DENND10: variants seen among roughly 807,000 people sequenced by gnomAD.
The protein encoded by DENND10 is DENN domain containing 10, also known as DENN domain-containing protein 10.
DENND10 carries 24 observed loss-of-function variants against 43.6 expected under a neutral mutation model. That is an observed-to-expected ratio of 0.55 (90% CI 0.40 to 0.77). DENND10 has a LOEUF of 0.77. Ranked by LOEUF, DENND10 falls within the 30% of genes least tolerant of loss-of-function variation. The pLI is 0.00. For synonymous variants in DENND10, 125 were observed against 157.6 expected (o/e 0.79, Z 1.55); for missense variants, 303 against 429.9 (o/e 0.70, Z 2.61).
At chr10:119,108,221 A>C in intron 2 of DENND10, 57 bp downstream of exon 2, 11 of 1,248,762 alleles carry the variant, frequency 8.8e-6, no homozygotes, top group African/African-American at 1.5e-5. Flanking sequence ...GCGGTGGCTC[A>C]TGCCTGTAAT....
chr10:119,127,532 G>T (rs866775185), intron 6 of DENND10, among the ~76,000 whole-genome samples: 27 of 152,172 alleles, frequency 1.8e-4, no homozygotes, highest in South Asian at 1.7e-3. Context: ...AGGCTGGAGT[G>T]CAGTGGCGTG....
intron 5 of DENND10, among the ~76,000 whole-genome samples, chr10:119,121,580 G>T (rs1197173055): frequency 6.7e-6 from 1 of 149,904 alleles, no homozygotes; most frequent in Admixed American, 6.8e-5. Context: ...TCAGCCTCCC[G>T]AGTAGCTGAG....
In DENND10 at chr10:119,136,507, C is replaced by G. The variant is rs768423587; in HGVS notation, c.934C>G (p.Leu312Val). 6.2e-7 allele frequency: 1 copy of G among 1,601,604 alleles called. No individual in the cohort carries two copies. Among genetic ancestry groups the G allele is most frequent in the Admixed American group, 1.8e-5 (1 of 55,744 alleles). Reference sequence around the variant, plus strand: ...AAAAACAAGAGAAATCTTTACCAACCTAGCACCGTTTTCAGAAGTTTCGGC... The same window carrying G: ...AAAAACAAGAGAAATCTTTACCAACGTAGCACCGTTTTCAGAAGTTTCGGC... ...ALKTREIFTN[L>V]APFSEVSADG... The change falls in exon 9 of 9, where the codon CTA (leucine) becomes GTA (valine). Residue 312 changes from leucine (L) to valine (V), a missense_variant. Leu to Val is a conservative substitution (Grantham distance 32). Transcript: ENST00000361432.
At chr10:119,127,441 T>G (rs925847074) in intron 6 of DENND10, among the ~76,000 whole-genome samples, 3 of 151,988 alleles carry the variant, frequency 2.0e-5, no homozygotes, top group Non-Finnish European at 4.4e-5. Context: ...GTAGTAGGTT[T>G]TGTTTTTGTT....
chr10:119,109,792 T>C (rs574428397), intron 2 of DENND10, among the ~76,000 whole-genome samples: 1 of 145,162 alleles, frequency 6.9e-6, no homozygotes, highest in Non-Finnish European at 1.5e-5. Flanking sequence ...CTAATTTTCT[T>C]TTTTTTTTTT....
rs1845985925 is a variant in DENND10, at chr10:119,129,492, G to A, written c.695-23G>A. On this transcript the variant is annotated intron_variant, in intron 6 of 8. Coordinates refer to ENST00000361432, the MANE Select transcript of DENND10 (RefSeq NM_207009.4). ...ACCATATTTCTTCCTACTCCAGTAAGGTTGCTCATGTTTGTGATGCAGGTT... is the reference window on the plus strand; with the variant it reads ...ACCATATTTCTTCCTACTCCAGTAAAGTTGCTCATGTTTGTGATGCAGGTT... 4 of 1,523,094 alleles carry A rather than the reference G, an allele frequency of 2.6e-6. No individual in the cohort carries two copies. The Admixed American group carries it at 6.7e-5, about 25-fold the overall frequency. 94.3% of individuals were successfully genotyped at this position (1,523,094 alleles called of 1,614,324 possible). A position where few individuals can be genotyped will look rare whatever the true frequency, so the allele number is the denominator to read the frequency against.
At chr10:119,108,231 TC>T in intron 2 of DENND10, 67 bp downstream of exon 2, 2 of 1,139,956 alleles carry the variant, frequency 1.8e-6, no homozygotes, top group Non-Finnish European at 2.6e-6. Flanking sequence ...ATGCCTGTAA[TC>T]CCAGCACTTT....
At position 119,114,264 on chromosome 10, in the gene DENND10, G is replaced by GCGCACACA. The variant is rs1491364880; in HGVS notation, c.332+2337_332+2338insGCACACAC. The GCGCACACA allele has an allele frequency of 1.1e-3, 166 of 150,030 alleles. 1 individual carries two copies. Among genetic ancestry groups the GCGCACACA allele is most frequent in the African/African-American group, 3.7e-3 (153 of 40,896 alleles). 9.3% of individuals were successfully genotyped at this position (150,030 alleles called of 1,614,324 possible). A position where few individuals can be genotyped will look rare whatever the true frequency, so the allele number is the denominator to read the frequency against. Reference sequence around the variant, plus strand: ...TGCATGTATGCACATCCAAGTATTTGCACACACACACACACACACACACAC... The same window carrying GCGCACACA: ...TGCATGTATGCACATCCAAGTATTTGCGCACACACACACACACACACACACACACACAC... On this transcript the variant is annotated intron_variant, in intron 3 of 8. Coordinates refer to ENST00000361432, the MANE Select transcript of DENND10 (RefSeq NM_207009.4).
intron 3 of DENND10, chr10:119,114,649 G>A (rs67965895): frequency 0.35 from 53,463 of 152,158 alleles, 9,782 homozygotes; most frequent in Non-Finnish European, 0.4. Context: ...CCTGTGGAGT[G>A]GTTTTGGGGG....
chr10:119,135,506 G>C (rs1846285737), intron 8 of DENND10, among the ~76,000 whole-genome samples: 1 of 152,094 alleles, frequency 6.6e-6, no homozygotes, highest in Non-Finnish European at 1.5e-5. Flanking sequence ...ACATGCTATA[G>C]CATGGATGAA....
At chr10:119,104,278 C>T in intron 1 of DENND10, 81 bp downstream of exon 1, 1 of 1,344,226 alleles carries the variant, frequency 7.4e-7, no homozygotes. Flanking sequence ...AGCCCGGGCT[C>T]CCGCGGCCCC....
chr10:119,106,749 A>T (rs528747600), intron 1 of DENND10, among the ~76,000 whole-genome samples: 9 of 152,318 alleles, frequency 5.9e-5, no homozygotes, highest in African/African-American at 2.2e-4. Context: ...CTATGTATTT[A>T]TTAAAAATTA....
chr10:119,113,189 GGTT>G (rs1345716664), intron 3 of DENND10, among the ~76,000 whole-genome samples: 4 of 111,044 alleles, frequency 3.6e-5, no homozygotes, highest in African/African-American at 6.1e-5. Flanking sequence ...TTTTTTTTCT[GGTT>G]GTTGTCTTTT....
intron 3 of DENND10, among the ~76,000 whole-genome samples, chr10:119,117,146 C>T (rs577483878): frequency 2.0e-5 from 3 of 151,772 alleles, no homozygotes; most frequent in South Asian, 2.1e-4. Flanking sequence ...CTGAGGTGGG[C>T]GGATTACCTG....
chr10:119,131,613 G>C (rs2133531371), intron 7 of DENND10, among the ~76,000 whole-genome samples: 1 of 152,316 alleles, frequency 6.6e-6, no homozygotes, highest in East Asian at 1.9e-4. Context: ...TCCTAAAAGT[G>C]GGGGCAGCTG....
chr10:119,131,329 G>GCGC (rs1232892948), intron 7 of DENND10, among the ~76,000 whole-genome samples: 2 of 152,120 alleles, frequency 1.3e-5, no homozygotes, highest in Non-Finnish European at 2.9e-5. Flanking sequence ...GTGGTGGCAG[G>GCGC]CGCCTCTAGT....
intron 8 of DENND10, chr10:119,133,259 C>G (rs948690616): frequency 6.5e-6 from 1 of 153,314 alleles, no homozygotes; most frequent in Non-Finnish European, 1.5e-5. Flanking sequence ...CCTTGCTCCT[C>G]TCCTGAAGGA....
Position 119,132,585 on chromosome 10 carries a change from G to T in DENND10, c.873G>T (p.Glu291Asp). ...QLIVQSAEDP[E>D]KSESHVIQDI... ...TTGTTCAGTCTGCAGAAGATCCAGA[G>T]AAATCAGAGAGCCACGTTATACAGG... Residue 291 changes from glutamate to aspartate, a missense_variant, in exon 8 of 9, where the codon GAG (glutamate) becomes GAT (aspartate). Coordinates refer to ENST00000361432, the MANE Select transcript of DENND10 (RefSeq NM_207009.4). The surrounding 1 kb of genome is among the most constrained non-coding windows in gnomAD (Gnocchi z 4.2). 1 of 1,614,162 alleles carries T rather than the reference G, an allele frequency of 6.2e-7. No individual in the cohort carries two copies. The highest frequency in any genetic ancestry group is 8.5e-7 in the Non-Finnish European group (1 of 1,179,982).
rs771355733 is a variant in DENND10 at position 119,136,630 on chromosome 10, C to A, written c.1057C>A (p.Gln353Lys). 4.0e-6 allele frequency: 6 copies of A among 1,511,442 alleles called. No homozygotes were observed. The highest frequency in any genetic ancestry group is 2.5e-5 in the South Asian group (2 of 79,660). The allele number at this position is 1,511,442 out of a possible 1,614,324, so 93.6% of individuals were successfully genotyped here. A position where few individuals can be genotyped will look rare whatever the true frequency, so the allele number is the denominator to read the frequency against. Residue 353 changes from glutamine (Q) to lysine (K), a missense_variant, in exon 9 of 9, where the codon CAA (glutamine) becomes AAA (lysine). Gln to Lys is a moderately conservative substitution (Grantham distance 53, BLOSUM62 1). Coordinates refer to ENST00000361432, the MANE Select transcript of DENND10 (RefSeq NM_207009.4). ...CCTTTATCATCTAGCAGCAGCCGAA[C>A]AAATGCTGAAAATCTGACTGTGTGA... ...NFLYHLAAAE[Q>K]MLKI
Sources: gnomAD v4.1 joint callset for allele counts (sites outside exome capture counted in the v4.1 genomes callset) on GRCh38, gnomAD v4.1.1 for gene constraint, Gnocchi (gnomAD v3.1) non-coding constraint, MANE v1.5 for transcripts, NCBI Gene and HGNC (gene_info 2026-07-23, HGNC 2026-07-21) for gene names.